UCHL3: variants seen among roughly 807,000 people sequenced by gnomAD.
UCHL3 encodes the protein ubiquitin C-terminal hydrolase L3.
A neutral mutation model predicts 35.8 loss-of-function variants in UCHL3; 22 were observed. The ratio of observed to expected loss-of-function variants is 0.61; its 90% CI spans 0.44 to 0.88. UCHL3 has a LOEUF of 0.88. UCHL3 is among the 40% of genes least tolerant of loss of function. The probability of loss-of-function intolerance (pLI) is 0.00; values close to 1 mark genes in which losing one functional copy is unlikely to be tolerated. For missense variants in UCHL3, 229 were observed against 276.9 expected, an observed-to-expected ratio of 0.83 and a Z score of 1.23; for synonymous variants, 90 against 92.8, an observed-to-expected ratio of 0.97 and a Z score of 0.17.
chr13:75,605,767 C>A lies in UCHL3; in HGVS notation c.648C>A (p.Asp216Glu). The change falls in exon 9 of 9, where the codon GAC becomes GAA. Residue 216 changes from aspartate (D) to glutamate (E), a missense_variant. Coordinates refer to ENST00000377595, the MANE Select transcript of UCHL3 (RefSeq NM_006002.5). The stretch of plus-strand genomic sequence containing the variant: ...TTTGCAAGAAGTTTATGGAGCGCGA[C>A]CCTGATGAACTAAGATTTAATGCGA... ...IEVCKKFMER[D>E]PDELRFNAIA... 1 of 1,613,880 alleles carries A rather than the reference C, an allele frequency of 6.2e-7. No individual in the cohort carries two copies. Among genetic ancestry groups the A allele is most frequent in the Non-Finnish European group, 8.5e-7 (1 of 1,179,972 alleles).
chr13:75,594,340 G>A (rs1013137490), intron 6 of UCHL3, among the ~76,000 whole-genome samples: 1 of 151,866 alleles, frequency 6.6e-6, no homozygotes, highest in Non-Finnish European at 1.5e-5. Context: ...CTATTTTCCT[G>A]CATTATTCAT....
chr13:75,601,746 C>T (rs529161217), intron 7 of UCHL3, among the ~76,000 whole-genome samples: 1 of 152,260 alleles, frequency 6.6e-6, no homozygotes, highest in Admixed American at 6.5e-5. Context: ...TCAGGCATGC[C>T]TGTACATTTT....
intron 8 of UCHL3, among the ~76,000 whole-genome samples, chr13:75,605,177 C>A (rs550388107): frequency 6.6e-6 from 1 of 152,098 alleles, no homozygotes; most frequent in Non-Finnish European, 1.5e-5. Flanking sequence ...ATCAATGAAA[C>A]GTGATTTTTA....
chr13:75,597,007 T>C (rs1400396694), intron 7 of UCHL3, among the ~76,000 whole-genome samples: 2 of 152,078 alleles, frequency 1.3e-5, no homozygotes, highest in African/African-American at 4.8e-5. Flanking sequence ...TTTAAATGAG[T>C]TTAAATAATT....
At chr13:75,581,286 G>A (rs1396509272) in intron 6 of UCHL3, among the ~76,000 whole-genome samples, 3 of 151,100 alleles carry the variant, frequency 2.0e-5, no homozygotes, top group Admixed American at 2.0e-4. Flanking sequence ...CTTTATTTTA[G>A]AATTTTAACA....
At chr13:75,573,709 T>C (rs2031935099) in intron 6 of UCHL3, among the ~76,000 whole-genome samples, 1 of 152,212 alleles carries the variant, frequency 6.6e-6, no homozygotes, top group African/African-American at 2.4e-5. Flanking sequence ...GCCCCATTCT[T>C]ATAACCTTAG....
At chr13:75,591,793 T>C (rs558170978) in intron 6 of UCHL3, among the ~76,000 whole-genome samples, 1 of 152,250 alleles carries the variant, frequency 6.6e-6, no homozygotes, top group African/African-American at 2.4e-5. Flanking sequence ...ACGTACCTTA[T>C]TGGGTTTATA....
intron 6 of UCHL3, among the ~76,000 whole-genome samples, chr13:75,570,977 G>C (rs1042076322): frequency 2.0e-5 from 3 of 152,072 alleles, no homozygotes; most frequent in African/African-American, 7.3e-5. Context: ...TATTGTTTTT[G>C]ACTAAGTTTA....
intron 2 of UCHL3, among the ~76,000 whole-genome samples, chr13:75,559,050 T>TTTTG (rs2031392631): frequency 3.6e-5 from 5 of 139,756 alleles, no homozygotes; most frequent in African/African-American, 1.4e-4. Flanking sequence ...TTTTTTTTTT[T>TTTTG]TTTTTTTGAG....
chr13:75,604,970 A>G (rs1593774126), intron 8 of UCHL3, 143 bp downstream of exon 8: 1 of 575,716 alleles, frequency 1.7e-6, no homozygotes, highest in Non-Finnish European at 2.7e-6. Flanking sequence ...AAGAAAATTT[A>G]TATTAGTGTT....
intron 8 of UCHL3, 101 bp downstream of exon 8, chr13:75,604,928 T>G: frequency 1.0e-6 from 1 of 967,170 alleles, no homozygotes; most frequent in Non-Finnish European, 1.5e-6. Context: ...TTTGGATACT[T>G]CTTTATCCTT....
intron 3 of UCHL3, among the ~76,000 whole-genome samples, chr13:75,561,779 C>CTG (rs1383735881): frequency 6.8e-6 from 1 of 146,068 alleles, no homozygotes; most frequent in Non-Finnish European, 1.5e-5. Context: ...GTGTATGTTT[C>CTG]TGTGTGTGTG....
At chr13:75,603,171 G>A (rs2032824898) in intron 7 of UCHL3, among the ~76,000 whole-genome samples, 1 of 151,928 alleles carries the variant, frequency 6.6e-6, no homozygotes, top group Non-Finnish European at 1.5e-5. Context: ...TTAATTCTTT[G>A]TAAAGGTGGG....
At chr13:75,568,352 G>GT (rs988854209) in intron 5 of UCHL3, among the ~76,000 whole-genome samples, 1 of 151,256 alleles carries the variant, frequency 6.6e-6, no homozygotes, top group Non-Finnish European at 1.5e-5. Context: ...ATTTTAAATT[G>GT]TTTTTTTCTT....
chr13:75,572,450 T>G (rs962119518), intron 6 of UCHL3, among the ~76,000 whole-genome samples: 1 of 152,220 alleles, frequency 6.6e-6, no homozygotes, highest in Admixed American at 6.5e-5. Context: ...ATCTTAGTGG[T>G]TCACAAAATG....
chr13:75,549,912 C>T, intron 1 of UCHL3, 50 bp downstream of exon 1: 1 of 1,614,070 alleles, frequency 6.2e-7, no homozygotes, highest in South Asian at 1.1e-5. Context: ...GCAGAGGGAG[C>T]CGGCTTGCTG....
chr13:75,559,857 A>C (rs775165683), intron 2 of UCHL3, among the ~76,000 whole-genome samples: 9 of 152,178 alleles, frequency 5.9e-5, no homozygotes, highest in Non-Finnish European at 1.3e-4. Flanking sequence ...GATGTACTTA[A>C]AAAGTTATCA....
chr13:75,592,439 T>TACACAC (rs1566228024), intron 6 of UCHL3, among the ~76,000 whole-genome samples: 1 of 102,748 alleles, frequency 9.7e-6, no homozygotes, highest in African/African-American at 3.7e-5. Context: ...TATATATATA[T>TACACAC]ATATATATAT....
At chr13:75,566,894 C>G (rs1357201590) in intron 4 of UCHL3, 43 bp downstream of exon 4, 3 of 1,555,544 alleles carry the variant, frequency 1.9e-6, no homozygotes, top group African/African-American at 1.4e-5. Flanking sequence ...CCTTAAGATA[C>G]AAGTTAATTG....
Sources: gnomAD v4.1 joint callset for allele counts (sites outside exome capture counted in the v4.1 genomes callset) on GRCh38, gnomAD v4.1.1 for gene constraint, MANE v1.5 for transcripts, NCBI Gene and HGNC (gene_info 2026-07-23, HGNC 2026-07-21) for gene names.